Variants in SLC28A1 observed in about 807,000 individuals in gnomAD.
SLC28A1 encodes solute carrier family 28 member 1.
Under a neutral mutation model 74.8 loss-of-function variants are expected in SLC28A1, and 64 were observed. That is an observed-to-expected ratio of 0.86 (90% confidence interval 0.70 to 1.05). SLC28A1 has a LOEUF of 1.05. SLC28A1 is among the 50% of genes least tolerant of loss of function. The probability of loss-of-function intolerance (pLI) is 0.00; values close to 1 mark genes in which losing one functional copy is unlikely to be tolerated. For missense variants in SLC28A1, 828 were observed against 822.8 expected, an observed-to-expected ratio of 1.01 and a Z score of -0.08; for synonymous variants, 359 against 335.0, an observed-to-expected ratio of 1.07 and a Z score of -0.78.
chr15:84,963,157 C>T, the SLC28A1 span, among the ~76,000 whole-genome samples: 1 of 152,146 alleles, frequency 6.6e-6, no homozygotes, highest in African/African-American at 2.4e-5. Flanking sequence ...GGCTTAGAGT[C>T]AGATTTAAAT....
At chr15:84,921,990 G>A (rs538314047) in intron 11 of SLC28A1, among the ~76,000 whole-genome samples, 2 of 152,238 alleles carry the variant, frequency 1.3e-5, no homozygotes, top group Non-Finnish European at 2.9e-5. Context: ...CTGCCAAGGT[G>A]AATTCACTTT....
chr15:84,889,211 A>T (rs935438002), intron 4 of SLC28A1, among the ~76,000 whole-genome samples: 1 of 152,142 alleles, frequency 6.6e-6, no homozygotes. Context: ...ACTCCGGTTA[A>T]AAATCCTGAA....
intron 9 of SLC28A1, among the ~76,000 whole-genome samples, chr15:84,918,130 A>C (rs1487849675): frequency 6.6e-6 from 1 of 152,152 alleles, no homozygotes; most frequent in Non-Finnish European, 1.5e-5. Context: ...GATTGAGCTC[A>C]TGGAGAAGGG....
At chr15:84,933,667 C>T (rs1971564665) in intron 13 of SLC28A1, among the ~76,000 whole-genome samples, 1 of 152,092 alleles carries the variant, frequency 6.6e-6, no homozygotes, top group South Asian at 2.1e-4. Flanking sequence ...GATCTCTCTT[C>T]TTCTTCTTAA....
chr15:84,898,069 T>C (rs982328975), intron 6 of SLC28A1, among the ~76,000 whole-genome samples: 2 of 152,208 alleles, frequency 1.3e-5, no homozygotes, highest in African/African-American at 4.8e-5. Context: ...ATAGTTTGGC[T>C]ATTGGGAATC....
chr15:84,935,538 C>A lies in SLC28A1; in HGVS notation c.1581+20C>A. ...ATCTCCGTGAGTGTCCCAGTCCCTT[C>A]CCTGCAGCAGGGGGATGACACGGCA... On this transcript the variant is annotated intron_variant, in intron 15 of 18. Transcript: ENST00000394573. 6.2e-7 allele frequency: 1 copy of A among 1,604,158 alleles called. No individual in the cohort carries two copies. The highest frequency in any genetic ancestry group is 1.1e-5 in the South Asian group (1 of 90,958).
At chr15:84,974,376 G>T in the SLC28A1 span, among the ~76,000 whole-genome samples, 1 of 152,220 alleles carries the variant, frequency 6.6e-6, no homozygotes, top group South Asian at 2.1e-4. Flanking sequence ...TCTGGGCTTT[G>T]GTGTCAGGCA....
intron 15 of SLC28A1, chr15:84,941,003 T>C (rs1248049780): frequency 6.5e-6 from 1 of 153,258 alleles, no homozygotes; most frequent in Non-Finnish European, 1.5e-5. Flanking sequence ...CTCTGGCACT[T>C]CTTTGAAAGC....
Position 84,886,768 on chromosome 15 carries a change from G to A in SLC28A1, c.-36G>A, listed in dbSNP as rs546584078. ...TGTGCTTCCCTCTCTCTCTGAGAGC[G>A]ACCTGTTAACCGCAAATACGTGAGT... On this transcript the variant is annotated 5_prime_UTR_variant, in exon 2 of 19. Transcript: ENST00000394573. 1.4e-4 allele frequency: 134 copies of A among 985,392 alleles called. 1 individual carries two copies. In the South Asian group the frequency reaches 1.7e-3, roughly 13 times the overall value. The allele number at this position is 985,392 out of a possible 1,614,324, so 61.0% of individuals were successfully genotyped here.
chr15:84,951,222 C>CA, the SLC28A1 span, among the ~76,000 whole-genome samples: 1 of 151,874 alleles, frequency 6.6e-6, no homozygotes, highest in African/African-American at 2.4e-5. Context: ...CCAAGGTGGG[C>CA]AGATCTCTTG....
At position 84,924,099 on chromosome 15, in the gene SLC28A1, A is replaced by T. The variant is rs147738027; in HGVS notation, c.1072A>T (p.Ile358Phe). ...TGCTGGCAGCCTGCTGGGTGCCTAC[A>T]TCTCCTTTGGGGTAGGTAGAGCCCT... ...TIAGSLLGAY[I>F]SFGIDATSLI... is the part of the protein sequence containing the mutation. Residue 358 changes from isoleucine (I) to phenylalanine (F), a missense_variant, in exon 12 of 19, where the codon ATC becomes TTC. By Grantham distance (21) the Ile-to-Phe change is conservative. This residue lies in a region of SLC28A1 where 767 missense variants were observed against 753.5 expected (regional missense o/e 1.02). Coordinates refer to ENST00000394573, the MANE Select transcript of SLC28A1 (RefSeq NM_004213.5). 28 of 1,613,008 alleles carry T rather than the reference A, an allele frequency of 1.7e-5. No homozygotes were observed. The highest frequency in any genetic ancestry group is 2.4e-5 in the Non-Finnish European group (28 of 1,179,936).
At chr15:84,931,889 C>A (rs1036136250) in intron 12 of SLC28A1, among the ~76,000 whole-genome samples, 14 of 151,856 alleles carry the variant, frequency 9.2e-5, no homozygotes, top group African/African-American at 3.4e-4. Flanking sequence ...GTAACCCCAG[C>A]TACTCTGGAG....
rs200362220 is a variant in SLC28A1, at chr15:84,923,970, C to G, written c.958-15C>G. On this transcript the variant is annotated splice_polypyrimidine_tract_variant and intron_variant, in intron 11 of 18. Coordinates refer to ENST00000394573, the MANE Select transcript of SLC28A1 (RefSeq NM_004213.5). ...CACCCCCACCCTGCTTGTCTGACAT[C>G]TTTCCTGTTTGCAGACCGAGGCTCC... 6.2e-7 allele frequency: 1 copy of G among 1,614,060 alleles called. No homozygotes were observed. Among genetic ancestry groups the G allele is most frequent in the Non-Finnish European group, 8.5e-7 (1 of 1,180,016 alleles).
At chr15:84,892,279 G>A (rs890086569) in intron 5 of SLC28A1, among the ~76,000 whole-genome samples, 2 of 152,162 alleles carry the variant, frequency 1.3e-5, no homozygotes, top group African/African-American at 2.4e-5. Flanking sequence ...GAGGGGAGGG[G>A]CAGTGAGAGA....
At chr15:84,916,240 C>CAGGTGTGTGCCACCATGCCTGGCCTTT (rs1555449976) in intron 9 of SLC28A1, among the ~76,000 whole-genome samples, 2 of 98,410 alleles carry the variant, frequency 2.0e-5, no homozygotes, top group African/African-American at 4.9e-5. Context: ...GCTGGGATTA[C>CAGGTGTGTGCCACCATGCCTGGCCTTT]TTTTTTTTTT....
At chr15:84,939,297 G>A (rs1243120020) in intron 15 of SLC28A1, among the ~76,000 whole-genome samples, 1 of 152,136 alleles carries the variant, frequency 6.6e-6, no homozygotes, top group Non-Finnish European at 1.5e-5. Context: ...TCTAGCCTAG[G>A]TGACAGAGTG....
chr15:84,894,453 G>A (rs900903678), intron 5 of SLC28A1, among the ~76,000 whole-genome samples: 3 of 151,968 alleles, frequency 2.0e-5, no homozygotes, highest in Non-Finnish European at 4.4e-5. Flanking sequence ...TGGACTGGCT[G>A]AGTGGCTCAA....
chr15:84,894,610 C>T (rs765863763), intron 5 of SLC28A1, among the ~76,000 whole-genome samples: 9 of 152,186 alleles, frequency 5.9e-5, no homozygotes, highest in Non-Finnish European at 1.2e-4. Flanking sequence ...CCTAGCATGG[C>T]GCTGGACCAC....
At chr15:84,925,674 C>T (rs564349929) in intron 12 of SLC28A1, among the ~76,000 whole-genome samples, 8 of 152,178 alleles carry the variant, frequency 5.3e-5, no homozygotes, top group Admixed American at 1.3e-4. Context: ...ATTCTGATGC[C>T]CGCCCAATTT....
Sources: gnomAD v4.1 joint callset for allele counts (sites outside exome capture counted in the v4.1 genomes callset) on GRCh38, gnomAD v4.1.1 for gene constraint, gnomAD v4.1.1 regional missense constraint, MANE v1.5 for transcripts, NCBI Gene and HGNC (gene_info 2026-07-23, HGNC 2026-07-21) for gene names.